MCPH1: variants seen among roughly 807,000 people sequenced by gnomAD.
MCPH1 encodes microcephalin 1.
Under a neutral mutation model 84.5 loss-of-function variants are expected in MCPH1, and 104 were observed. The observed-to-expected ratio is 1.23, with a 90% CI of 1.05 to 1.45. The LOEUF (loss-of-function observed/expected upper bound fraction) is 1.45, where lower values mean the gene tolerates loss of function less well. Among genes scored for constraint, MCPH1 ranks in the 40% most tolerant of loss-of-function variants. The probability of loss-of-function intolerance (pLI) is 0.00; values close to 1 mark genes in which losing one functional copy is unlikely to be tolerated. For synonymous variants in MCPH1, 514 were observed against 366.8 expected (o/e 1.40, Z -4.58); for missense variants, 1,498 against 1,005.7 (o/e 1.49, Z -6.62).
chr8:6,508,157 A>C (rs1188474643), intron 12 of MCPH1: 5 of 152,236 alleles, frequency 3.3e-5, no homozygotes, highest in Non-Finnish European at 5.9e-5. Flanking sequence ...CTTTTTTAAA[A>C]AGACAGCTGG....
intron 9 of MCPH1, among the ~76,000 whole-genome samples, chr8:6,460,149 G>A (rs1284000621): frequency 5.3e-5 from 8 of 151,530 alleles, no homozygotes; most frequent in Admixed American, 4.6e-4. Flanking sequence ...GTTTTCTCAC[G>A]CCTCCATTGC....
At chr8:6,501,500 T>G (rs760451676) in intron 12 of MCPH1, 1 of 152,024 alleles carries the variant, frequency 6.6e-6, no homozygotes, top group Non-Finnish European at 1.5e-5. Context: ...TCCAGGAGTT[T>G]ATGGTTTTGT....
intron 6 of MCPH1, among the ~76,000 whole-genome samples, chr8:6,441,774 C>G (rs961445182): frequency 6.6e-6 from 1 of 152,184 alleles, no homozygotes; most frequent in Non-Finnish European, 1.5e-5. Flanking sequence ...GGGACCCCAA[C>G]GTCACCTCTG....
At chr8:6,420,791 C>T (rs1166222381) in intron 3 of MCPH1, among the ~76,000 whole-genome samples, 2 of 152,128 alleles carry the variant, frequency 1.3e-5, no homozygotes, top group African/African-American at 2.4e-5. Context: ...TGGAAGGTAT[C>T]CAAGTTACCG....
In MCPH1 at chr8:6,597,614, C is replaced by T. The variant is rs139844424; in HGVS notation, c.2215-23840C>T. Reference sequence around the variant, plus strand: ...CTGGGGGCTGGTGCTGCTGTGGACACGACAACCCGGAACACGGAGGGAGGG... The same window carrying T: ...CTGGGGGCTGGTGCTGCTGTGGACATGACAACCCGGAACACGGAGGGAGGG... On this transcript the variant is annotated intron_variant, in intron 12 of 13. Transcript: ENST00000344683. Among the ~76,000 whole-genome samples, 18 of 152,202 alleles carry T rather than the reference C, an allele frequency of 1.2e-4. No homozygotes were observed. In the East Asian group the frequency reaches 2.1e-3, roughly 18 times the overall value.
chr8:6,531,760 G>A (rs1819559229), intron 12 of MCPH1, among the ~76,000 whole-genome samples: 1 of 151,202 alleles, frequency 6.6e-6, no homozygotes. Flanking sequence ...GTTAGTGGCG[G>A]ACCTGGAGCC....
chr8:6,625,719 G>C (rs981398382), intron 13 of MCPH1: 1 of 979,052 alleles, frequency 1.0e-6, no homozygotes, highest in Admixed American at 6.2e-5. Flanking sequence ...ATAAGTTCAA[G>C]GCTGCGGTGA....
At chr8:6,444,247 G>A in intron 7 of MCPH1, 146 bp from the exon 8 acceptor site, 2 of 911,346 alleles carry the variant, frequency 2.2e-6, no homozygotes, top group Non-Finnish European at 3.3e-6. Context: ...GTACCCTTAA[G>A]TGGAAATGAG....
intron 12 of MCPH1, among the ~76,000 whole-genome samples, chr8:6,612,657 C>T (rs1830387290): frequency 6.6e-6 from 1 of 152,216 alleles, no homozygotes; most frequent in Non-Finnish European, 1.5e-5. Flanking sequence ...GCCTCTGTTC[C>T]GACCTCCCCT....
chr8:6,482,266 A>G (rs1563269135), intron 11 of MCPH1, among the ~76,000 whole-genome samples: 5 of 152,214 alleles, frequency 3.3e-5, no homozygotes, highest in Non-Finnish European at 1.5e-5. Context: ...GAAAAATGGT[A>G]TGCTGACGTA....
intron 9 of MCPH1, among the ~76,000 whole-genome samples, chr8:6,472,712 C>G (rs1807906334): frequency 1.3e-5 from 2 of 152,308 alleles, no homozygotes; most frequent in East Asian, 3.9e-4. Flanking sequence ...AGGTAATCCA[C>G]CCGCCTCGGC....
At position 6,507,287 on chromosome 8, in the gene MCPH1, C is replaced by T. The variant is rs77187303; in HGVS notation, c.2214+7358C>T. On this transcript the variant is annotated intron_variant, in intron 12 of 13. Transcript: ENST00000344683. ...ACTTTCATTTATAAAACATGTTGAC[C>T]ATAGCTGTTACCTTTGGTTTTCCTG... 1.5e-3 allele frequency among the ~76,000 whole-genome samples: 232 copies of T among 152,242 alleles called. 1 individual carries two copies. Among genetic ancestry groups the T allele is most frequent in the African/African-American group, 5.6e-3 (231 of 41,544 alleles).
At chr8:6,423,074 G>A (rs908022814) in intron 3 of MCPH1, among the ~76,000 whole-genome samples, 4 of 151,534 alleles carry the variant, frequency 2.6e-5, no homozygotes, top group Non-Finnish European at 4.4e-5. Flanking sequence ...GCCCACCTTG[G>A]CCTCCCAAAG....
At position 6,545,058 on chromosome 8, in the gene MCPH1, A is replaced by T. The variant is rs138008417; in HGVS notation, c.2214+45129A>T. On this transcript the variant is annotated intron_variant, in intron 12 of 13. Coordinates refer to ENST00000344683, the MANE Select transcript of MCPH1 (RefSeq NM_024596.5). ...TCAAATGAATGCCATCACAGACATC[A>T]TGTTGGGTCACAGAAGCCACACCCT... 2.8e-3 allele frequency among the ~76,000 whole-genome samples: 422 copies of T among 152,274 alleles called. 5 individuals are homozygous for T. Among genetic ancestry groups the T allele is most frequent in the African/African-American group, 8.8e-3 (364 of 41,560 alleles).
chr8:6,619,796 G>A (rs1831219145), intron 12 of MCPH1, among the ~76,000 whole-genome samples: 2 of 152,076 alleles, frequency 1.3e-5, no homozygotes, highest in South Asian at 4.1e-4. Context: ...ATGTTAGCCA[G>A]GATGATCTTG....
At chr8:6,624,806 C>G (rs1020332808) in intron 13 of MCPH1, 1 of 985,108 alleles carries the variant, frequency 1.0e-6, no homozygotes, top group African/African-American at 1.7e-5. Flanking sequence ...CAGTCCAGGG[C>G]ATTGCGTTTC....
intron 12 of MCPH1, chr8:6,616,711 A>G (rs1830824641): frequency 6.6e-6 from 1 of 152,214 alleles, no homozygotes; most frequent in Non-Finnish European, 1.5e-5. Flanking sequence ...TGAAATGAAC[A>G]TTTTATGTCA....
At chr8:6,452,804 C>T (rs1805235260) in intron 8 of MCPH1, among the ~76,000 whole-genome samples, 1 of 152,232 alleles carries the variant, frequency 6.6e-6, no homozygotes, top group Non-Finnish European at 1.5e-5. Flanking sequence ...GGCCTTCAGG[C>T]CACCAAATCT....
At chr8:6,455,798 G>A (rs1204618222) in intron 9 of MCPH1, among the ~76,000 whole-genome samples, 2 of 152,106 alleles carry the variant, frequency 1.3e-5, no homozygotes, top group African/African-American at 2.4e-5. Flanking sequence ...ATATCTACTT[G>A]CATTGCTTAA....
Sources: gnomAD v4.1 joint callset for allele counts (sites outside exome capture counted in the v4.1 genomes callset) on GRCh38, gnomAD v4.1.1 for gene constraint, MANE v1.5 for transcripts, NCBI Gene and HGNC (gene_info 2026-07-23, HGNC 2026-07-21) for gene names.